DNM3: variants seen among roughly 807,000 people sequenced by gnomAD.
The protein encoded by DNM3 is dynamin 3, also known as dynamin-3.
In DNM3, 47 loss-of-function variants were observed where a neutral mutation model predicts 101.6. The observed-to-expected ratio is 0.46, with a 90% CI of 0.37 to 0.59. The LOEUF (loss-of-function observed/expected upper bound fraction) is 0.59, where lower values mean the gene tolerates loss of function less well. Ranked by LOEUF, DNM3 falls within the 20% of genes least tolerant of loss-of-function variation. The pLI is 0.00. For synonymous variants in DNM3, 385 were observed against 387.9 expected, an observed-to-expected ratio of 0.99 and a Z score of 0.09; for missense variants, 849 against 1,085.7, an observed-to-expected ratio of 0.78 and a Z score of 3.06.
intron 14 of DNM3, among the ~76,000 whole-genome samples, chr1:172,187,414 A>G (rs1302001412): frequency 2.0e-5 from 3 of 152,064 alleles, no homozygotes; most frequent in African/African-American, 4.8e-5. Flanking sequence ...AATGGTAATT[A>G]CAGTTACACA....
chr1:172,008,704 A>T (rs1020077269), intron 4 of DNM3, among the ~76,000 whole-genome samples: 3 of 148,746 alleles, frequency 2.0e-5, no homozygotes, highest in Non-Finnish European at 4.5e-5. Flanking sequence ...CCATGGAATT[A>T]CATGGGCATC....
In DNM3 at chr1:172,403,590, ACTTT is replaced by A. The variant is rs1368643538; in HGVS notation, c.2523-4178_2523-4175del. Among the ~76,000 whole-genome samples the A allele has an allele frequency of 1.2e-4, 18 of 152,274 alleles. No individual in the cohort carries two copies. The South Asian group carries it at 1.7e-3, about 14-fold the overall frequency. The stretch of plus-strand genomic sequence containing the variant: ...GCCACCCACCCTGCATGAGCATTTG[ACTTT>A]CTTACAAAATTTGTCATTGTCCACA... On this transcript the variant is annotated intron_variant, in intron 20 of 20. Coordinates refer to ENST00000627582, the MANE Select transcript of DNM3 (RefSeq NM_015569.5).
intron 10 of DNM3, among the ~76,000 whole-genome samples, chr1:172,065,546 A>G (rs1384592601): frequency 6.6e-6 from 1 of 152,170 alleles, no homozygotes; most frequent in Non-Finnish European, 1.5e-5. Context: ...GGACTTTCAG[A>G]GAGTCAAGAG....
chr1:171,893,642 A>G (rs1472535950), intron 1 of DNM3, among the ~76,000 whole-genome samples: 1 of 151,972 alleles, frequency 6.6e-6, no homozygotes, highest in Non-Finnish European at 1.5e-5. Context: ...TTTTGTAGAG[A>G]TGAGGTCTCA....
At chr1:171,846,008 C>T (rs965243689) in intron 1 of DNM3, among the ~76,000 whole-genome samples, 2 of 152,020 alleles carry the variant, frequency 1.3e-5, no homozygotes, top group Non-Finnish European at 2.9e-5. Flanking sequence ...AGTGATTATG[C>T]TGATATTTTT....
intron 15 of DNM3, among the ~76,000 whole-genome samples, chr1:172,291,149 G>A (rs957898927): frequency 6.6e-6 from 1 of 152,028 alleles, no homozygotes; most frequent in Non-Finnish European, 1.5e-5. Context: ...AAGAGGGAGA[G>A]AATGGAAAAA....
intron 17 of DNM3, among the ~76,000 whole-genome samples, chr1:172,328,726 C>A (rs910096905): frequency 2.6e-5 from 4 of 152,236 alleles, no homozygotes; most frequent in Middle Eastern, 3.4e-3. Context: ...AATCTGCACA[C>A]CAAACCCTGT....
chr1:172,295,918 G>A (rs547321551), intron 15 of DNM3, among the ~76,000 whole-genome samples: 1 of 152,242 alleles, frequency 6.6e-6, no homozygotes, highest in Admixed American at 6.5e-5. Context: ...AAGAATAAGT[G>A]AAAAGACTTT....
chr1:172,244,852 T>G (rs1188445673), intron 14 of DNM3, among the ~76,000 whole-genome samples: 2 of 152,238 alleles, frequency 1.3e-5, no homozygotes, highest in African/African-American at 4.8e-5. Context: ...ATCCCATTAC[T>G]GGGTATATAC....
At chr1:172,404,830 T>C (rs1244249520) in intron 20 of DNM3, among the ~76,000 whole-genome samples, 1 of 152,136 alleles carries the variant, frequency 6.6e-6, no homozygotes, top group Non-Finnish European at 1.5e-5. Flanking sequence ...GCTACTTTCA[T>C]ATTTGTTTTA....
chr1:172,320,238 G>C, intron 16 of DNM3, among the ~76,000 whole-genome samples: 1 of 150,060 alleles, frequency 6.7e-6, no homozygotes, highest in African/African-American at 2.5e-5. Context: ...GTTGTGGGGT[G>C]GGGGGATGGG....
intron 14 of DNM3, among the ~76,000 whole-genome samples, chr1:172,247,106 G>A (rs2061983222): frequency 6.6e-6 from 1 of 151,932 alleles, no homozygotes; most frequent in Admixed American, 6.6e-5. Flanking sequence ...TCCTGTCTTT[G>A]GACTGAGTTC....
At chr1:171,927,945 T>C (rs2040710962) in intron 2 of DNM3, among the ~76,000 whole-genome samples, 1 of 152,204 alleles carries the variant, frequency 6.6e-6, no homozygotes, top group South Asian at 2.1e-4. Context: ...GTTCTTGCTT[T>C]GGTTCTTTCT....
At position 172,408,094 on chromosome 1, in the gene DNM3, A is replaced by G; in HGVS notation, c.*253A>G. ...CAAGGTAGGTTTGTATAGCAGCCCT[A>G]TACTTTGGGGATCATTTGCCTACCA... On this transcript the variant is annotated 3_prime_UTR_variant, in exon 21 of 21. Transcript: ENST00000627582. The G allele has an allele frequency of 1.6e-6, 2 of 1,272,464 alleles. No individual in the cohort carries two copies. Among genetic ancestry groups the G allele is most frequent in the Non-Finnish European group, 2.0e-6 (2 of 1,004,854 alleles). The allele number at this position is 1,272,464 out of a possible 1,614,324, so 78.8% of individuals were successfully genotyped here.
chr1:172,088,044 G>C (rs995571595), intron 12 of DNM3, among the ~76,000 whole-genome samples: 1 of 152,132 alleles, frequency 6.6e-6, no homozygotes, highest in African/African-American at 2.4e-5. Flanking sequence ...TTGATAGTCT[G>C]GTTGTAAATA....
chr1:172,036,206 C>T lies in DNM3; in HGVS notation c.850-2113C>T, dbSNP rs181371721. Among the ~76,000 whole-genome samples, 1,146 of 136,724 alleles carry T rather than the reference C, an allele frequency of 8.4e-3. 20 individuals are homozygous for T. Among genetic ancestry groups the T allele is most frequent in the African/African-American group, 0.029 (1,062 of 36,098 alleles). The allele number at this position is 136,724 out of a possible 152,430, so 89.7% of individuals were successfully genotyped here. On this transcript the variant is annotated intron_variant, in intron 6 of 20. Coordinates refer to ENST00000627582, the MANE Select transcript of DNM3 (RefSeq NM_015569.5). Reference sequence around the variant, plus strand: ...GAGTGTGATATTCCAATTCCTGTGTCCATGTGTTCTCATTGTTCAATTCCC... The same window carrying T: ...GAGTGTGATATTCCAATTCCTGTGTTCATGTGTTCTCATTGTTCAATTCCC...
chr1:171,984,254 A>G (rs1227888767), intron 2 of DNM3, among the ~76,000 whole-genome samples: 1 of 152,144 alleles, frequency 6.6e-6, no homozygotes, highest in Non-Finnish European at 1.5e-5. Context: ...TTTCAAACCT[A>G]GGTCACAGCA....
At chr1:172,071,540 C>T (rs749822091) in intron 11 of DNM3, among the ~76,000 whole-genome samples, 23 of 152,082 alleles carry the variant, frequency 1.5e-4, no homozygotes, top group Admixed American at 2.0e-4. Flanking sequence ...CAGGCCTCCG[C>T]GCCTGAACAG....
At chr1:172,296,028 A>G (rs569210382) in intron 15 of DNM3, among the ~76,000 whole-genome samples, 3 of 116,032 alleles carry the variant, frequency 2.6e-5, no homozygotes, top group Admixed American at 8.3e-5. Flanking sequence ...GTCCTTAGCA[A>G]GCAACCATTG....
Sources: gnomAD v4.1 joint callset for allele counts (sites outside exome capture counted in the v4.1 genomes callset) on GRCh38, gnomAD v4.1.1 for gene constraint, MANE v1.5 for transcripts, NCBI Gene and HGNC (gene_info 2026-07-23, HGNC 2026-07-21) for gene names.